The following ZNF695 variants were observed in gnomAD, a reference collection of about 807,000 sequenced individuals.
ZNF695 encodes the protein zinc finger protein 695, also known as zinc finger protein SBZF3.
Under a neutral mutation model 11.2 loss-of-function variants are expected in ZNF695, and 11 were observed. The ratio of observed to expected loss-of-function variants is 0.98; its 90% CI spans 0.62 to 1.62. The LOEUF (loss-of-function observed/expected upper bound fraction) is 1.62, where lower values mean the gene tolerates loss of function less well. Among genes scored for constraint, ZNF695 ranks in the 40% most tolerant of loss-of-function variants. ZNF695 has a pLI of 0.00. For synonymous variants in ZNF695, 190 were observed against 201.4 expected (o/e 0.94, Z 0.48); for missense variants, 559 against 590.5 (o/e 0.95, Z 0.55).
At chr1:246,994,815 C>T (rs12075990) in intron 3 of ZNF695, among the ~76,000 whole-genome samples, 31,296 of 149,768 alleles carry the variant, frequency 0.21, 4,064 homozygotes, top group African/African-American at 0.36. Context: ...TCAGCCTGGG[C>T]GACAGAGCAA....
chr1:246,951,629 A>C (rs1667871576), intron 5 of ZNF695, among the ~76,000 whole-genome samples: 1 of 152,216 alleles, frequency 6.6e-6, no homozygotes, highest in Non-Finnish European at 1.5e-5. Context: ...TAGACCAGAA[A>C]CTAGAACAAA....
intron 4 of ZNF695, among the ~76,000 whole-genome samples, chr1:246,978,277 T>C (rs1008498595): frequency 4.6e-5 from 7 of 152,224 alleles, no homozygotes; most frequent in Admixed American, 6.5e-5. Flanking sequence ...ATGGAATGCT[T>C]ATTCTTTAGA....
At chr1:246,971,372 G>C (rs1668419903) in intron 4 of ZNF695, among the ~76,000 whole-genome samples, 1 of 152,232 alleles carries the variant, frequency 6.6e-6, no homozygotes, top group African/African-American at 2.4e-5. Context: ...GCATCACAGG[G>C]AGACGGTCAG....
intron 5 of ZNF695, among the ~76,000 whole-genome samples, chr1:246,946,164 G>A (rs1174889202): frequency 1.3e-5 from 2 of 152,044 alleles, no homozygotes; most frequent in Admixed American, 6.6e-5. Flanking sequence ...TCATCCTCCC[G>A]CCGCTGCATT....
chr1:246,959,349 AT>A, intron 5 of ZNF695, among the ~76,000 whole-genome samples: 1 of 129,626 alleles, frequency 7.7e-6, no homozygotes, highest in Non-Finnish European at 1.6e-5. Context: ...ATATATATAT[AT>A]AAAATCTCTT....
At chr1:246,981,238 G>A (rs1025902684), downstream of ZNF695, among the ~76,000 whole-genome samples, 14 of 152,156 alleles carry the variant, frequency 9.2e-5, no homozygotes, top group Non-Finnish European at 1.9e-4. Flanking sequence ...AAGTGTTGGC[G>A]AAAGTGTGGG....
Position 246,979,684 on chromosome 1 carries a change from AT to A in ZNF695, c.390+8440del, listed in dbSNP as rs544030381. 2.7e-4 allele frequency among the ~76,000 whole-genome samples: 41 copies of A among 152,042 alleles called. No individual in the cohort carries two copies. The South Asian group carries it at 8.5e-3, about 32-fold the overall frequency. Reference sequence around the variant, plus strand: ...AATTATGAATATGGTTGAGAAATTTATTTTTAGGCAATCTTTTTGTTTCACA... The same window carrying A: ...AATTATGAATATGGTTGAGAAATTTATTTTAGGCAATCTTTTTGTTTCACA... On this transcript the variant is annotated intron_variant, in intron 4 of 5. Transcript: ENST00000487338.
At chr1:246,973,485 C>A (rs534153589) in intron 4 of ZNF695, among the ~76,000 whole-genome samples, 63 of 152,298 alleles carry the variant, frequency 4.1e-4, no homozygotes, top group Non-Finnish European at 7.9e-4. Context: ...CTACTTGCGA[C>A]CAGCAATTAT....
rs747743255 is a variant in ZNF695, at chr1:246,987,527, C to T, written c.988G>A (p.Gly330Ser). The T allele has an allele frequency of 9.4e-6, 15 of 1,604,040 alleles. No homozygotes were observed. The South Asian group carries it at 1.6e-4, about 17-fold the overall frequency. Reference sequence around the variant, plus strand: ...TATGACAACAATTTAAAGACTTTGCCACATTCTTCACACTTGTAGGGTTTC... The same window carrying T: ...TATGACAACAATTTAAAGACTTTGCTACATTCTTCACACTTGTAGGGTTTC... ...REKPYKCEEC[G>S]KVFKLLSYLT... The change falls in exon 4 of 4, where the codon GGC (glycine) becomes AGC (serine). Residue 330 changes from glycine to serine, a missense_variant. Gly to Ser is a moderately conservative substitution (Grantham distance 56, BLOSUM62 0). Coordinates refer to ENST00000339986, the MANE Select transcript of ZNF695 (RefSeq NM_020394.5).
chr1:246,958,703 C>T (rs113289997), intron 5 of ZNF695, among the ~76,000 whole-genome samples: 9 of 152,244 alleles, frequency 5.9e-5, no homozygotes, highest in Admixed American at 2.0e-4. Flanking sequence ...ATCCATTCTA[C>T]GCCTGGTGTG....
At chr1:246,989,362 G>A (rs1250703870) in intron 3 of ZNF695, among the ~76,000 whole-genome samples, 1 of 152,168 alleles carries the variant, frequency 6.6e-6, no homozygotes, top group African/African-American at 2.4e-5. Flanking sequence ...TTAAAAATCA[G>A]GAGTACTAAG....
chr1:247,007,999 G>T lies in ZNF695; in HGVS notation c.-91C>A. 1 of 1,362,988 alleles carries T rather than the reference G, an allele frequency of 7.3e-7. No individual in the cohort carries two copies. Among genetic ancestry groups the T allele is most frequent in the Non-Finnish European group, 9.6e-7 (1 of 1,036,276 alleles). The allele number at this position is 1,362,988 out of a possible 1,614,324, so 84.4% of individuals were successfully genotyped here. ...GATGGAGCCTGCGGCAGTCACCCGG[G>T]ACTCTCCGAGAGGCAGCAGACGGGA... On this transcript the variant is annotated 5_prime_UTR_variant, in exon 1 of 4. Transcript: ENST00000339986.
intron 5 of ZNF695, among the ~76,000 whole-genome samples, chr1:246,959,988 T>C (rs1668123791): frequency 6.6e-6 from 1 of 152,216 alleles, no homozygotes; most frequent in Non-Finnish European, 1.5e-5. Context: ...GCTATCTTCA[T>C]GCAACAGTCA....
intron 5 of ZNF695, among the ~76,000 whole-genome samples, chr1:246,946,511 T>C (rs1046629732): frequency 2.6e-5 from 4 of 152,236 alleles, no homozygotes; most frequent in African/African-American, 9.6e-5. Flanking sequence ...TTTGTGAAGG[T>C]TGAAAGGAGG....
chr1:246,976,701 G>C (rs1668573717), intron 4 of ZNF695, among the ~76,000 whole-genome samples: 1 of 152,044 alleles, frequency 6.6e-6, no homozygotes, highest in South Asian at 2.1e-4. Context: ...GGCTGAGGCA[G>C]AAGAATGGCA....
rs915630513 is a variant in ZNF695 at position 246,959,361 on chromosome 1, T to C, written c.488+8334A>G. Reference sequence around the variant, plus strand: ...TATATATATATATATAAAATCTCTTTTCTGAAAGAAGCATTTAAATGTTGA... The same window carrying C: ...TATATATATATATATAAAATCTCTTCTCTGAAAGAAGCATTTAAATGTTGA... On this transcript the variant is annotated intron_variant, in intron 5 of 5. Transcript: ENST00000487338. Among the ~76,000 whole-genome samples the C allele has an allele frequency of 1.8e-4, 23 of 129,500 alleles. No individual in the cohort carries two copies. The South Asian group carries it at 5.7e-3, about 32-fold the overall frequency. The allele number at this position is 129,500 out of a possible 152,430, so 85.0% of individuals were successfully genotyped here. A position where few individuals can be genotyped will look rare whatever the true frequency, so the allele number is the denominator to read the frequency against.
intron 4 of ZNF695, among the ~76,000 whole-genome samples, chr1:246,972,774 TC>T (rs1158938891): frequency 6.6e-6 from 1 of 151,912 alleles, no homozygotes; most frequent in African/African-American, 2.4e-5. Flanking sequence ...CACCTTGGCC[TC>T]CCAAAGTGCT....
chr1:246,999,545 T>C (rs1176053246), intron 2 of ZNF695, 105 bp from the exon 3 acceptor site: 2 of 881,006 alleles, frequency 2.3e-6, no homozygotes, highest in Non-Finnish European at 3.5e-6. Flanking sequence ...CCTAGAAAAT[T>C]AACTCCAAAA....
chr1:247,002,279 G>A (rs1364267101), intron 1 of ZNF695, among the ~76,000 whole-genome samples: 1 of 151,874 alleles, frequency 6.6e-6, no homozygotes, highest in Non-Finnish European at 1.5e-5. Flanking sequence ...AAGAAATTAA[G>A]GCAGAAATGA....
Sources: gnomAD v4.1 joint callset for allele counts (sites outside exome capture counted in the v4.1 genomes callset) on GRCh38, gnomAD v4.1.1 for gene constraint, MANE v1.5 for transcripts, NCBI Gene and HGNC (gene_info 2026-07-23, HGNC 2026-07-21) for gene names.